Variants in PTPRD observed in about 807,000 individuals in gnomAD.
PTPRD encodes protein tyrosine phosphatase receptor type D.
A neutral mutation model predicts 214.5 loss-of-function variants in PTPRD; 34 were observed. The observed-to-expected ratio is 0.16, with a 90% CI of 0.12 to 0.21. PTPRD has a LOEUF of 0.21. PTPRD is among the 10% of genes least tolerant of loss of function. PTPRD has a pLI of 1.00. For synonymous variants in PTPRD, 1,128 were observed against 845.7 expected (o/e 1.33, Z -5.79); for missense variants, 2,545 against 2,398.7 (o/e 1.06, Z -1.27).
chr9:10,468,419 A>G (rs1179174354), intron 2 of PTPRD, among the ~76,000 whole-genome samples: 1 of 152,134 alleles, frequency 6.6e-6, no homozygotes, highest in Admixed American at 6.5e-5. Context: ...CAAACACCAT[A>G]TGTTCTCACT....
chr9:8,913,127 C>G (rs773735491), intron 11 of PTPRD, among the ~76,000 whole-genome samples: 8 of 150,756 alleles, frequency 5.3e-5, no homozygotes, highest in Middle Eastern at 3.4e-3. Flanking sequence ...ACAGAATTTT[C>G]TTTAAAAAAA....
chr9:9,931,335 G>A (rs1023907701), intron 5 of PTPRD, among the ~76,000 whole-genome samples: 22 of 152,212 alleles, frequency 1.4e-4, no homozygotes, highest in African/African-American at 5.3e-4. Flanking sequence ...TCACTAGGGA[G>A]TGCCAGACAG....
At chr9:10,466,343 G>A (rs2098993097) in intron 2 of PTPRD, among the ~76,000 whole-genome samples, 1 of 152,082 alleles carries the variant, frequency 6.6e-6, no homozygotes, top group Admixed American at 6.5e-5. Context: ...GAAATTTTAT[G>A]CCGGGTGCGG....
chr9:9,154,834 T>C (rs2099879848), intron 10 of PTPRD, among the ~76,000 whole-genome samples: 1 of 152,188 alleles, frequency 6.6e-6, no homozygotes, highest in African/African-American at 2.4e-5. Context: ...TCATTTCCTA[T>C]ATTTTATACC....
chr9:9,634,226 G>A (rs569358409), intron 7 of PTPRD, among the ~76,000 whole-genome samples: 2 of 152,014 alleles, frequency 1.3e-5, no homozygotes, highest in African/African-American at 4.8e-5. Context: ...AACGTTGGTG[G>A]ATATACTGAA....
chr9:8,919,700 T>TAC (rs2098811589), intron 11 of PTPRD, among the ~76,000 whole-genome samples: 1 of 151,954 alleles, frequency 6.6e-6, no homozygotes, highest in African/African-American at 2.4e-5. Context: ...CATGCATGTA[T>TAC]ACACGTATCC....
chr9:10,005,674 T>C (rs932783807), intron 4 of PTPRD, among the ~76,000 whole-genome samples: 6 of 152,054 alleles, frequency 3.9e-5, no homozygotes, highest in African/African-American at 1.4e-4. Context: ...ACCTATCTTG[T>C]CCCTCTGGCA....
At chr9:9,144,957 G>C (rs1421657481) in intron 10 of PTPRD, among the ~76,000 whole-genome samples, 1 of 152,160 alleles carries the variant, frequency 6.6e-6, no homozygotes, top group Admixed American at 6.6e-5. Context: ...AAATGTATCA[G>C]TTTAAAGGTA....
chr9:8,407,294 C>A (rs1215715072), intron 35 of PTPRD, among the ~76,000 whole-genome samples: 1 of 152,142 alleles, frequency 6.6e-6, no homozygotes, highest in African/African-American at 2.4e-5. Context: ...ACAATTGTTA[C>A]AAGGTAGGTA....
intron 2 of PTPRD, among the ~76,000 whole-genome samples, chr9:10,369,021 T>G (rs1007025280): frequency 1.3e-5 from 2 of 152,012 alleles, no homozygotes; most frequent in Non-Finnish European, 2.9e-5. Flanking sequence ...TTATGTTTGA[T>G]AAAATTAAGC....
At chr9:8,364,309 T>C (rs1378273701) in intron 39 of PTPRD, among the ~76,000 whole-genome samples, 1 of 152,224 alleles carries the variant, frequency 6.6e-6, no homozygotes, top group African/African-American at 2.4e-5. Flanking sequence ...AAATGGAGAT[T>C]TGGCACATGG....
intron 5 of PTPRD, among the ~76,000 whole-genome samples, chr9:9,791,746 C>T (rs371424177): frequency 6.6e-6 from 1 of 151,928 alleles, no homozygotes; most frequent in Admixed American, 6.6e-5. Flanking sequence ...TATATTGAGA[C>T]TTTTTTTGAT....
chr9:8,983,765 C>A (rs115387172), intron 11 of PTPRD, among the ~76,000 whole-genome samples: 2,842 of 152,060 alleles, frequency 0.019, 92 homozygotes, highest in African/African-American at 0.064. Flanking sequence ...GATCCTCCCA[C>A]CTCCACCTCC....
At chr9:10,045,186 T>C (rs1459509711) in intron 3 of PTPRD, among the ~76,000 whole-genome samples, 3 of 151,848 alleles carry the variant, frequency 2.0e-5, no homozygotes, top group Non-Finnish European at 4.4e-5. Flanking sequence ...ATTTTAACTT[T>C]TCTTTGGCCA....
rs532707739 is a variant in PTPRD at position 8,820,169 on chromosome 9, T to C, written c.-103-86223A>G. Among the ~76,000 whole-genome samples, 8 of 152,290 alleles carry C rather than the reference T, an allele frequency of 5.3e-5. No individual in the cohort carries two copies. The South Asian group carries it at 1.2e-3, about 24-fold the overall frequency. On this transcript the variant is annotated intron_variant, in intron 11 of 45. Transcript: ENST00000381196. ...TATATGTTTATATTCTTAAAATATA[T>C]GCATATCTGTAGCTTTAATATAACC...
chr9:8,550,449 C>A (rs2081694278), intron 14 of PTPRD, among the ~76,000 whole-genome samples: 2 of 152,124 alleles, frequency 1.3e-5, no homozygotes, highest in South Asian at 4.1e-4. Flanking sequence ...AAACTATATT[C>A]TGCATTATTT....
chr9:9,936,242 C>G (rs974652147), intron 5 of PTPRD, among the ~76,000 whole-genome samples: 194 of 148,576 alleles, frequency 1.3e-3, no homozygotes, highest in African/African-American at 4.8e-3. Context: ...TCTAATTAAA[C>G]TAAAGAGCTT....
chr9:9,266,828 T>C (rs571771981), intron 9 of PTPRD, among the ~76,000 whole-genome samples: 3 of 150,812 alleles, frequency 2.0e-5, no homozygotes, highest in East Asian at 2.0e-4. Context: ...GAAAAGCTTA[T>C]GGAAGTAAAT....
In PTPRD at chr9:9,651,832, T is replaced by TG. The variant is rs905590885; in HGVS notation, c.-286-77052_-286-77051insC. ...TTGTATTTATTCAAGGTTTGTTTTTTTTTTTTTTTTTTTTTTTTTTTTAAT... is the reference window on the plus strand; with the variant it reads ...TTGTATTTATTCAAGGTTTGTTTTTTGTTTTTTTTTTTTTTTTTTTTTTAAT... On this transcript the variant is annotated intron_variant, in intron 7 of 45. Coordinates refer to ENST00000381196, the MANE Select transcript of PTPRD (RefSeq NM_002839.4). Among the ~76,000 whole-genome samples, 8 of 127,738 alleles carry TG rather than the reference T, an allele frequency of 6.3e-5. 1 individual carries two copies. Among genetic ancestry groups the TG allele is most frequent in the African/African-American group, 1.2e-4 (4 of 33,368 alleles). The allele number at this position is 127,738 out of a possible 152,430, so 83.8% of individuals were successfully genotyped here.
Sources: allele counts gnomAD v4.1 joint callset (sites outside exome capture counted in the v4.1 genomes callset), GRCh38; gene constraint gnomAD v4.1.1; transcripts MANE v1.5; gene names NCBI Gene and HGNC (gene_info 2026-07-23, HGNC 2026-07-21).